Variants in LRP6 observed in about 807,000 individuals in gnomAD.
LRP6 encodes low-density lipoprotein receptor-related protein 6.
Under a neutral mutation model 184.1 loss-of-function variants are expected in LRP6, and 43 were observed. The ratio of observed to expected loss-of-function variants is 0.23; its 90% CI spans 0.18 to 0.30. The LOEUF (loss-of-function observed/expected upper bound fraction) is 0.30, where lower values mean the gene tolerates loss of function less well. Among genes scored for constraint, LRP6 ranks in the 10% least tolerant of loss-of-function variants. LRP6 has a pLI of 1.00. For missense variants in LRP6, 1,571 were observed against 2,005.3 expected (o/e 0.78, Z 4.14); for synonymous variants, 719 against 684.9 (o/e 1.05, Z -0.78).
In LRP6 at chr12:12,162,263, G is replaced by C; in HGVS notation, c.2209C>G (p.Gln737Glu). The C allele has an allele frequency of 1.2e-6, 2 of 1,614,158 alleles. No homozygotes were observed. The highest frequency in any genetic ancestry group is 8.5e-7 in the Non-Finnish European group (1 of 1,180,024). ...TTCCACACCAAAACTTGTCGGTGCT[G>C]CCCATCCAACTTTGACACCTCAATT... is the stretch of plus-strand genomic sequence containing the variant. ...NRIEVSKLDG[Q>E]HRQVLVWKDL... Residue 737 changes from glutamine to glutamate, a missense_variant, in exon 10 of 23, where the codon CAG becomes GAG. By Grantham distance (29) the Gln-to-Glu change is conservative. Around this residue, in one of 4 missense-constraint regions of LRP6, gnomAD observed 158 missense variants for 258.4 expected, o/e 0.61. Transcript: ENST00000261349.
chr12:12,210,640 A>G (rs1864185682), intron 2 of LRP6, among the ~76,000 whole-genome samples: 1 of 152,232 alleles, frequency 6.6e-6, no homozygotes, highest in Non-Finnish European at 1.5e-5. Flanking sequence ...TTCTAAGAAC[A>G]TTAATGTGAC....
At chr12:12,256,724 T>C (rs1391490571) in intron 1 of LRP6, among the ~76,000 whole-genome samples, 1 of 151,922 alleles carries the variant, frequency 6.6e-6, no homozygotes, top group East Asian at 1.9e-4. Context: ...GAGAATCACT[T>C]GAACCCAGGA....
intron 3 of LRP6, among the ~76,000 whole-genome samples, chr12:12,190,949 T>C (rs1165806183): frequency 6.6e-6 from 1 of 152,190 alleles, no homozygotes; most frequent in Non-Finnish European, 1.5e-5. Context: ...ACAACAAAGC[T>C]AGGTAAAACC....
chr12:12,121,748 G>A (rs1376511165), intron 22 of LRP6, among the ~76,000 whole-genome samples: 2 of 152,148 alleles, frequency 1.3e-5, no homozygotes, highest in African/African-American at 4.8e-5. Context: ...AATTTGTTCT[G>A]CAGTTTCATA....
chr12:12,232,634 GAAC>G (rs35074998), intron 2 of LRP6, among the ~76,000 whole-genome samples: 22,030 of 146,430 alleles, frequency 0.15, 1,801 homozygotes, highest in Non-Finnish European at 0.19. Context: ...TCAGAAAACT[GAAC>G]AACTTGATAG....
At chr12:12,150,570 T>A (rs1950067800) in intron 13 of LRP6, among the ~76,000 whole-genome samples, 1 of 151,902 alleles carries the variant, frequency 6.6e-6, no homozygotes, top group African/African-American at 2.4e-5. Flanking sequence ...AAAGACTTCA[T>A]AAAGAAACGT....
chr12:12,156,119 G>A (rs1950149343), intron 12 of LRP6, among the ~76,000 whole-genome samples: 1 of 152,152 alleles, frequency 6.6e-6, no homozygotes, highest in Non-Finnish European at 1.5e-5. Context: ...AAAGTGCTAT[G>A]GGAAAAAGAA....
rs927841386 is a variant in LRP6, at chr12:12,211,724, G to C, written c.450-8324C>G. ...CCTCATGAACAGCCTTAAGCACCCA[G>C]TCTAGTCGATTACTTTTAAAAAGTT... On this transcript the variant is annotated intron_variant, in intron 2 of 22. Transcript: ENST00000261349. Among the ~76,000 whole-genome samples the C allele has an allele frequency of 8.5e-5, 13 of 152,274 alleles. 1 individual carries two copies. The South Asian group carries it at 2.7e-3, about 32-fold the overall frequency.
intron 2 of LRP6, among the ~76,000 whole-genome samples, chr12:12,240,049 C>CA (rs111794052): frequency 6.6e-6 from 1 of 151,068 alleles, no homozygotes; most frequent in African/African-American, 2.4e-5. Context: ...CACACACACA[C>CA]AAAGAGACAC....
intron 2 of LRP6, among the ~76,000 whole-genome samples, chr12:12,233,644 G>T (rs1184850963): frequency 6.6e-6 from 1 of 152,190 alleles, no homozygotes; most frequent in Non-Finnish European, 1.5e-5. Context: ...TTTGGACTCT[G>T]ATTTCAAACA....
intron 8 of LRP6, 124 bp downstream of exon 8, chr12:12,164,955 A>AAAAAAAAAAAAAAAAAAAAG: frequency 1.9e-6 from 1 of 528,566 alleles, no homozygotes; most frequent in Non-Finnish European, 3.3e-6. Flanking sequence ...AAAAAAAAAA[A>AAAAAAAAAAAAAAAAAAAAG]GGCGGGGGGG....
At chr12:12,219,539 A>G (rs886131071) in intron 2 of LRP6, among the ~76,000 whole-genome samples, 9 of 152,126 alleles carry the variant, frequency 5.9e-5, no homozygotes, top group African/African-American at 2.2e-4. Flanking sequence ...ATTGCACCTC[A>G]TTCATTTTTC....
Position 12,155,570 on chromosome 12 carries a change from A to C in LRP6, c.2791+3259T>G. On this transcript the variant is annotated intron_variant, in intron 12 of 22. Transcript: ENST00000261349. Reference sequence around the variant, plus strand: ...CGTTAAGCACGCTAAGAGCCGAGATAGCTTCCTAAAGGAAGCTATCAGAAA... The same window carrying C: ...CGTTAAGCACGCTAAGAGCCGAGATCGCTTCCTAAAGGAAGCTATCAGAAA... 3 of 741,140 alleles carry C rather than the reference A, an allele frequency of 4.0e-6. No homozygotes were observed. The East Asian group carries it at 7.7e-5, about 19-fold the overall frequency. The allele number at this position is 741,140 out of a possible 1,614,324, so 45.9% of individuals were successfully genotyped here. A position where few individuals can be genotyped will look rare whatever the true frequency, so the allele number is the denominator to read the frequency against.
chr12:12,212,403 A>G (rs763999540), intron 2 of LRP6, among the ~76,000 whole-genome samples: 34 of 152,222 alleles, frequency 2.2e-4, no homozygotes, highest in Non-Finnish European at 3.8e-4. Flanking sequence ...AAGCATGAAG[A>G]GAGCCTGTCA....
intron 3 of LRP6, among the ~76,000 whole-genome samples, chr12:12,201,918 T>C (rs1863922336): frequency 6.6e-6 from 1 of 152,236 alleles, no homozygotes; most frequent in South Asian, 2.1e-4. Context: ...TCTTTATATC[T>C]TTCCTGGTTT....
At chr12:12,196,714 G>A (rs866986436) in intron 3 of LRP6, among the ~76,000 whole-genome samples, 3 of 151,904 alleles carry the variant, frequency 2.0e-5, no homozygotes, top group South Asian at 4.2e-4. Flanking sequence ...CTCTCATGGT[G>A]CAGTTCAATG....
intron 2 of LRP6, among the ~76,000 whole-genome samples, chr12:12,212,259 C>T (rs1403472798): frequency 3.3e-5 from 5 of 152,190 alleles, no homozygotes; most frequent in Admixed American, 6.5e-5. Flanking sequence ...TCTGCACTCA[C>T]CTGCTCGTGA....
rs778806957 is a variant in LRP6 at position 12,234,431 on chromosome 12, C to T, written c.449+9831G>A. Among the ~76,000 whole-genome samples, 10 of 151,510 alleles carry T rather than the reference C, an allele frequency of 6.6e-5. No individual in the cohort carries two copies. In the South Asian group the frequency reaches 1.5e-3, roughly 22 times the overall value. Reference sequence around the variant, plus strand: ...TGCCACTACACTCCAGCCTGGGCGACAGAGTGAGACTCCGTCTCAAAAAAA... The same window carrying T: ...TGCCACTACACTCCAGCCTGGGCGATAGAGTGAGACTCCGTCTCAAAAAAA... On this transcript the variant is annotated intron_variant, in intron 2 of 22. Transcript: ENST00000261349.
intron 1 of LRP6, among the ~76,000 whole-genome samples, chr12:12,258,598 A>C (rs116277218): frequency 0.01 from 1,546 of 152,294 alleles, 27 homozygotes; most frequent in African/African-American, 0.035. Flanking sequence ...AAAAAGGTCT[A>C]CTCTTCAAAA....
Sources: allele counts gnomAD v4.1 joint callset (sites outside exome capture counted in the v4.1 genomes callset), GRCh38; gene constraint gnomAD v4.1.1; regional missense constraint gnomAD v4.1.1; transcripts MANE v1.5; gene names NCBI Gene and HGNC (gene_info 2026-07-23, HGNC 2026-07-21).